TRPM1: variants seen among roughly 807,000 people sequenced by gnomAD.
TRPM1 encodes the protein TRPM1-203 APA Isoform, Intron 10.
A neutral mutation model predicts 149.4 loss-of-function variants in TRPM1; 113 were observed. The ratio of observed to expected loss-of-function variants is 0.76; its 90% CI spans 0.65 to 0.88. TRPM1 has a LOEUF of 0.88. Among genes scored for constraint, TRPM1 ranks in the 40% least tolerant of loss-of-function variants. The pLI, the probability that TRPM1 is intolerant of heterozygous loss-of-function variation, is 0.00. For synonymous variants in TRPM1, 741 were observed against 759.5 expected, an observed-to-expected ratio of 0.98 and a Z score of 0.40; for missense variants, 1,976 against 2,038.7, an observed-to-expected ratio of 0.97 and a Z score of 0.59.
Position 31,060,433 on chromosome 15 carries a change from T to A in TRPM1, c.1263+111A>T, listed in dbSNP as rs1292010770. On this transcript the variant is annotated intron_variant, in intron 11 of 27. Transcript: ENST00000256552. ...GCCTAATAGATTACATATCATATCATCAGAAACCCCACATAATTTCCTGAA... is the reference window on the plus strand; with the variant it reads ...GCCTAATAGATTACATATCATATCAACAGAAACCCCACATAATTTCCTGAA... 8 of 899,004 alleles carry A rather than the reference T, an allele frequency of 8.9e-6. No homozygotes were observed. In the Admixed American group the frequency reaches 1.4e-4, roughly 16 times the overall value. 55.7% of individuals were successfully genotyped at this position (899,004 alleles called of 1,614,324 possible).
intron 1 of TRPM1, among the ~76,000 whole-genome samples, chr15:31,139,482 A>G (rs558743365): frequency 2.4e-4 from 36 of 152,330 alleles, no homozygotes; most frequent in African/African-American, 8.4e-4. Flanking sequence ...CTGTATGTCT[A>G]TATGTGTTAT....
intron 1 of TRPM1, among the ~76,000 whole-genome samples, chr15:31,117,081 G>A (rs1026264997): frequency 6.6e-6 from 1 of 152,192 alleles, no homozygotes; most frequent in African/African-American, 2.4e-5. Context: ...TGGGTGCGGT[G>A]GTTTACGCCT....
chr15:31,140,937 T>C (rs1199639048), intron 1 of TRPM1, among the ~76,000 whole-genome samples: 1 of 152,090 alleles, frequency 6.6e-6, no homozygotes, highest in Non-Finnish European at 1.5e-5. Context: ...TTCTCCTGCC[T>C]CAGCTTGCCA....
chr15:31,062,311 T>C (rs148656189), intron 9 of TRPM1, among the ~76,000 whole-genome samples: 244 of 152,316 alleles, frequency 1.6e-3, no homozygotes, highest in African/African-American at 5.5e-3. Context: ...ACTATCAATC[T>C]GAGTAATATT....
intron 3 of TRPM1, among the ~76,000 whole-genome samples, chr15:31,076,630 A>G (rs2034700535): frequency 6.6e-6 from 1 of 151,930 alleles, no homozygotes; most frequent in African/African-American, 2.4e-5. Flanking sequence ...AAAGCCCTCA[A>G]CTCCTTGATC....
In TRPM1 at chr15:31,032,925, G is replaced by A; in HGVS notation, c.2716C>T (p.Pro906Ser). Residue 906 changes from proline to serine, a missense_variant, in exon 22 of 28, where the codon CCA becomes TCA. This residue lies in a region of TRPM1 where 1,332 missense variants were observed against 1,347.1 expected (regional missense o/e 0.99). Transcript: ENST00000256552. The part of the protein sequence containing the change: ...EKIREILMSE[P>S]GKLSQKIKVW... Reference sequence around the variant, plus strand: ...TTGATTTTCTGGCTGAGTTTGCCTGGTTCTGACATGAGGATCTGAAAACAA... The same window carrying A: ...TTGATTTTCTGGCTGAGTTTGCCTGATTCTGACATGAGGATCTGAAAACAA... 6.2e-7 allele frequency: 1 copy of A among 1,614,160 alleles called. No individual in the cohort carries two copies. Among genetic ancestry groups the A allele is most frequent in the South Asian group, 1.1e-5 (1 of 91,080 alleles).
At chr15:31,052,729 C>T (rs1488927371) in intron 11 of TRPM1, among the ~76,000 whole-genome samples, 6 of 152,170 alleles carry the variant, frequency 3.9e-5, no homozygotes, top group South Asian at 2.1e-4. Flanking sequence ...GAGCTGAGAT[C>T]GTGCCGTTGC....
In TRPM1 at chr15:31,139,007, T is replaced by C. The variant is rs191819956; in HGVS notation, c.54+21899A>G. On this transcript the variant is annotated intron_variant, in intron 1 of 26. Coordinates refer to the TRPM1 transcript ENST00000542188. ...CTAGGCCTTTACCTATGACCTTTTTTGTCTTGGCAAATAATGGCAAATGGC... is the reference window on the plus strand; with the variant it reads ...CTAGGCCTTTACCTATGACCTTTTTCGTCTTGGCAAATAATGGCAAATGGC... 1.5e-3 allele frequency among the ~76,000 whole-genome samples: 232 copies of C among 152,294 alleles called. 3 individuals carry two copies. The highest frequency in any genetic ancestry group is 2.9e-3 in the Non-Finnish European group (197 of 68,030).
In TRPM1 at chr15:31,080,870, A is replaced by G. The variant is rs1262060598; in HGVS notation, c.3+483T>C. 2.6e-5 allele frequency among the ~76,000 whole-genome samples: 4 copies of G among 152,072 alleles called. No homozygotes were observed. The East Asian group carries it at 7.7e-4, about 29-fold the overall frequency. The stretch of plus-strand genomic sequence containing the variant: ...AGCACAGCGTGGGGAATCAGAAACT[A>G]AAGCCCAGGCTCCGAGCGCTTAGGC... On this transcript the variant is annotated intron_variant, in intron 2 of 27. Coordinates refer to ENST00000256552, the MANE Select transcript of TRPM1 (RefSeq NM_001252024.2).
At chr15:31,111,666 T>C (rs2035691354) in intron 1 of TRPM1, among the ~76,000 whole-genome samples, 1 of 152,148 alleles carries the variant, frequency 6.6e-6, no homozygotes, top group South Asian at 2.1e-4. Context: ...CGGGAAGACG[T>C]CTCAGTGTTT....
intron 1 of TRPM1, among the ~76,000 whole-genome samples, chr15:31,113,233 T>A (rs2338861): frequency 4.0e-5 from 6 of 151,520 alleles, no homozygotes; most frequent in Admixed American, 1.3e-4. Context: ...CCCAGCCAAA[T>A]CAACAAGAAA....
At chr15:31,104,081 T>C (rs1029058668), upstream of TRPM1, among the ~76,000 whole-genome samples, 5 of 152,128 alleles carry the variant, frequency 3.3e-5, no homozygotes, top group African/African-American at 9.7e-5. Flanking sequence ...ATTATGTGTC[T>C]GTGGAGCCGT....
intron 2 of TRPM1, among the ~76,000 whole-genome samples, chr15:31,078,943 T>A (rs2034784864): frequency 6.6e-6 from 1 of 152,234 alleles, no homozygotes; most frequent in South Asian, 2.1e-4. Context: ...GCTGTTTTTG[T>A]GTCCTCTAGG....
intron 1 of TRPM1, among the ~76,000 whole-genome samples, chr15:31,127,376 C>T (rs777372431): frequency 2.6e-5 from 4 of 152,232 alleles, no homozygotes; most frequent in African/African-American, 4.8e-5. Flanking sequence ...AGAAAAGCAT[C>T]TTAACCGCTG....
intron 25 of TRPM1, 95 bp downstream of exon 25, chr15:31,028,237 C>G: frequency 1.3e-6 from 2 of 1,522,776 alleles, no homozygotes; most frequent in Non-Finnish European, 1.8e-6. Context: ...AAATTATCTG[C>G]AAATATATTG....
At chr15:31,154,453 A>T (rs2036341951) in intron 1 of TRPM1, among the ~76,000 whole-genome samples, 1 of 152,322 alleles carries the variant, frequency 6.6e-6, no homozygotes, top group South Asian at 2.1e-4. Context: ...CAAAATTATG[A>T]CTAAGACAGT....
In TRPM1 at chr15:31,028,432, G is replaced by A. The variant is rs758078856; in HGVS notation, c.3193C>T (p.Pro1065Ser). ...NLYDEEGKRLPPCIPGAWLTP... is the reference protein window; with the variant it reads ...NLYDEEGKRLSPCIPGAWLTP... ...AGCCAGGCGCCGGGGATACAGGGAG[G>A]AAGCCGCTTGCCCTCCTCATCATAT... The change falls in exon 25 of 28, where the codon CCT (proline) becomes TCT (serine). Residue 1065 changes from proline to serine, a missense_variant. By Grantham distance (74) the Pro-to-Ser change is moderately conservative. Around this residue, in one of 3 missense-constraint regions of TRPM1, gnomAD observed 1,332 missense variants for 1,347.1 expected, o/e 0.99. Coordinates refer to ENST00000256552, the MANE Select transcript of TRPM1 (RefSeq NM_001252024.2). 1 of 1,614,120 alleles carries A rather than the reference G, an allele frequency of 6.2e-7. No individual in the cohort carries two copies. The highest frequency in any genetic ancestry group is 8.5e-7 in the Non-Finnish European group (1 of 1,180,038).
At chr15:31,161,000 G>C (rs1178133829) in exon 1 of TRPM1, 11 of 1,532,956 alleles carry the variant, frequency 7.2e-6, no homozygotes, top group Non-Finnish European at 9.6e-6. Flanking sequence ...TGACTCCCTC[G>C]GGTGGCCAGG....
intron 27 of TRPM1, among the ~76,000 whole-genome samples, chr15:31,010,695 G>T (rs995689857): frequency 1.3e-5 from 2 of 152,154 alleles, no homozygotes; most frequent in Admixed American, 6.5e-5. Flanking sequence ...TGGCCTAACA[G>T]ATGATGTATC....
Sources: allele counts gnomAD v4.1 joint callset (sites outside exome capture counted in the v4.1 genomes callset), GRCh38; gene constraint gnomAD v4.1.1; regional missense constraint gnomAD v4.1.1; transcripts MANE v1.5; gene names NCBI Gene and HGNC (gene_info 2026-07-23, HGNC 2026-07-21).